The following CTNNA3 variants were observed in gnomAD, a reference collection of about 807,000 sequenced individuals.
The protein encoded by CTNNA3 is catenin alpha 3, also known as catenin alpha-3.
CTNNA3 carries 76 observed loss-of-function variants against 95.7 expected under a neutral mutation model. That is an observed-to-expected ratio of 0.79 (90% confidence interval 0.66 to 0.96). The LOEUF (loss-of-function observed/expected upper bound fraction) is 0.96. Ranked by LOEUF, CTNNA3 falls within the 40% of genes least tolerant of loss-of-function variation. The pLI, the probability that CTNNA3 is intolerant of heterozygous loss-of-function variation, is 0.00. For missense variants in CTNNA3, 1,191 were observed against 1,089.8 expected, an observed-to-expected ratio of 1.09 and a Z score of -1.31; for synonymous variants, 431 against 374.4, an observed-to-expected ratio of 1.15 and a Z score of -1.74.
intron 15 of CTNNA3, among the ~76,000 whole-genome samples, chr10:66,004,166 T>C (rs928713177): frequency 7.9e-5 from 12 of 152,202 alleles, no homozygotes; most frequent in Non-Finnish European, 1.5e-4. Flanking sequence ...TCAGTATGCA[T>C]CTTAAAGCAC....
chr10:66,162,683 T>C (rs965855876), intron 13 of CTNNA3, among the ~76,000 whole-genome samples: 1 of 152,106 alleles, frequency 6.6e-6, no homozygotes, highest in Non-Finnish European at 1.5e-5. Context: ...TTTGTGCTGG[T>C]TGGCCTCCTG....
intron 13 of CTNNA3, among the ~76,000 whole-genome samples, chr10:66,199,908 T>C (rs1204836512): frequency 5.0e-4 from 72 of 143,734 alleles, no homozygotes; most frequent in Non-Finnish European, 1.2e-4. Context: ...CACCTTGGTC[T>C]CCCGAAGTGC....
In CTNNA3 at chr10:66,397,804, C is replaced by T. The variant is rs978672828; in HGVS notation, c.1532-18452G>A. 3.3e-5 allele frequency among the ~76,000 whole-genome samples: 5 copies of T among 151,668 alleles called. No individual in the cohort carries two copies. In the East Asian group the frequency reaches 9.7e-4, roughly 29 times the overall value. ...ATGTGTACATCATTGCATTATGTAC[C>T]GTGAGTTGTCCCACTGGGATCAGAC... On this transcript the variant is annotated intron_variant, in intron 11 of 17. Coordinates refer to ENST00000433211, the MANE Select transcript of CTNNA3 (RefSeq NM_013266.4).
chr10:66,312,869 A>G (rs953757675), intron 12 of CTNNA3, among the ~76,000 whole-genome samples: 1 of 152,016 alleles, frequency 6.6e-6, no homozygotes, highest in Non-Finnish European at 1.5e-5. Context: ...TTAAACCACC[A>G]CCAATTGTCA....
intron 7 of CTNNA3, among the ~76,000 whole-genome samples, chr10:66,790,443 C>A (rs571407247): frequency 2.2e-4 from 34 of 152,100 alleles, no homozygotes; most frequent in African/African-American, 8.2e-4. Context: ...GGCGACAGAA[C>A]AAGACTCTGT....
chr10:66,612,752 AC>A (rs1844371499), intron 10 of CTNNA3, among the ~76,000 whole-genome samples: 1 of 152,090 alleles, frequency 6.6e-6, no homozygotes, highest in Admixed American at 6.6e-5. Context: ...AATTTCTATT[AC>A]ATGTTTTTCC....
intron 1 of CTNNA3, among the ~76,000 whole-genome samples, chr10:67,733,269 G>T (rs1258387298): frequency 6.6e-6 from 1 of 152,120 alleles, no homozygotes; most frequent in Non-Finnish European, 1.5e-5. Context: ...AATTTTCTTT[G>T]AAAAGTTGCT....
chr10:67,726,427 T>G lies in CTNNA3; in HGVS notation c.-2+37007A>C, dbSNP rs1393647576. Among the ~76,000 whole-genome samples, 7 of 35,492 alleles carry G rather than the reference T, an allele frequency of 2.0e-4. No homozygotes were observed. The East Asian group carries it at 2.3e-3, about 12-fold the overall frequency. 23.3% of individuals were successfully genotyped at this position (35,492 alleles called of 152,430 possible). A position where few individuals can be genotyped will look rare whatever the true frequency, so the allele number is the denominator to read the frequency against. On this transcript the variant is annotated intron_variant, in intron 1 of 17. Coordinates refer to the CTNNA3 transcript ENST00000684154. ...TTATATCATATATAATATTATATAT[T>G]ATATCATATATAATATATAATATTA...
chr10:67,221,653 C>G (rs888454269), intron 5 of CTNNA3, among the ~76,000 whole-genome samples: 2 of 152,110 alleles, frequency 1.3e-5, no homozygotes. Context: ...AGGCTCACTG[C>G]AAGCTCCGCC....
intron 1 of CTNNA3, among the ~76,000 whole-genome samples, chr10:67,651,062 G>A (rs1199016880): frequency 6.6e-6 from 1 of 151,576 alleles, no homozygotes; most frequent in African/African-American, 2.4e-5. Context: ...CTTGTGGGAT[G>A]GCTTGGAAAC....
At chr10:66,243,114 T>C (rs1326784305) in intron 13 of CTNNA3, among the ~76,000 whole-genome samples, 2 of 152,176 alleles carry the variant, frequency 1.3e-5, no homozygotes, top group Non-Finnish European at 2.9e-5. Flanking sequence ...TGATCAGTGT[T>C]AACATTAAAA....
At chr10:66,034,443 T>C (rs2079518909) in intron 15 of CTNNA3, among the ~76,000 whole-genome samples, 1 of 152,192 alleles carries the variant, frequency 6.6e-6, no homozygotes, top group South Asian at 2.1e-4. Flanking sequence ...TGAACATTTC[T>C]CATTATACAG....
At chr10:67,676,861 G>C (rs991899115) in intron 1 of CTNNA3, among the ~76,000 whole-genome samples, 2 of 152,170 alleles carry the variant, frequency 1.3e-5, no homozygotes, top group African/African-American at 4.8e-5. Flanking sequence ...GGGCCTTCCA[G>C]TCAGTTACAC....
intron 17 of CTNNA3, among the ~76,000 whole-genome samples, chr10:65,962,720 C>T (rs138959448): frequency 2.7e-5 from 4 of 150,854 alleles, no homozygotes; most frequent in Non-Finnish European, 3.0e-5. Flanking sequence ...CCCCACCCCC[C>T]GACAGGCCCC....
chr10:66,595,028 G>A (rs1843666083), intron 10 of CTNNA3, among the ~76,000 whole-genome samples: 1 of 152,054 alleles, frequency 6.6e-6, no homozygotes, highest in Non-Finnish European at 1.5e-5. Context: ...CAGCGAGATT[G>A]TGGAACTGGA....
chr10:67,145,411 C>T (rs1337903479), intron 7 of CTNNA3, among the ~76,000 whole-genome samples: 1 of 147,992 alleles, frequency 6.8e-6, no homozygotes, highest in Non-Finnish European at 1.5e-5. Flanking sequence ...ACTAAGCTGA[C>T]ATTATTATTT....
At chr10:65,928,618 C>T (rs2077203576) in intron 17 of CTNNA3, among the ~76,000 whole-genome samples, 1 of 152,106 alleles carries the variant, frequency 6.6e-6, no homozygotes, top group Non-Finnish European at 1.5e-5. Flanking sequence ...GTGCAGAAAC[C>T]ACATGCAAAA....
At chr10:67,177,064 C>T in intron 7 of CTNNA3, 1 of 438,446 alleles carries the variant, frequency 2.3e-6, no homozygotes, top group South Asian at 1.6e-5. Context: ...ACTAACCAAA[C>T]ATATATACAT....
At chr10:66,863,285 C>G (rs1325629184) in intron 7 of CTNNA3, among the ~76,000 whole-genome samples, 1 of 151,378 alleles carries the variant, frequency 6.6e-6, no homozygotes, top group African/African-American at 2.4e-5. Context: ...TCTGAAGAAC[C>G]CTGACTAATA....
Sources: allele counts gnomAD v4.1 joint callset (sites outside exome capture counted in the v4.1 genomes callset), GRCh38; gene constraint gnomAD v4.1.1; transcripts MANE v1.5; gene names NCBI Gene and HGNC (gene_info 2026-07-23, HGNC 2026-07-21).